The following ANKRD55 variants were observed in gnomAD, a reference collection of about 807,000 sequenced individuals.
The protein encoded by ANKRD55 is ankyrin repeat domain 55.
A neutral mutation model predicts 60.6 loss-of-function variants in ANKRD55; 41 were observed. The ratio of observed to expected loss-of-function variants is 0.68; its 90% CI spans 0.53 to 0.88. ANKRD55 has a LOEUF of 0.88. Ranked by LOEUF, ANKRD55 falls within the 40% of genes least tolerant of loss-of-function variation. ANKRD55 has a pLI of 0.00. For synonymous variants in ANKRD55, 264 were observed against 290.3 expected, an observed-to-expected ratio of 0.91 and a Z score of 0.92; for missense variants, 732 against 767.6, an observed-to-expected ratio of 0.95 and a Z score of 0.55.
chr5:56,205,979 T>TC, intron 2 of ANKRD55, among the ~76,000 whole-genome samples: 1 of 151,150 alleles, frequency 6.6e-6, no homozygotes, highest in East Asian at 1.9e-4. Context: ...TTCTTGTTTT[T>TC]TTTTTTTTTC....
At chr5:56,221,713 T>C (rs160007) in intron 2 of ANKRD55, among the ~76,000 whole-genome samples, 54,490 of 152,156 alleles carry the variant, frequency 0.36, 10,878 homozygotes, top group East Asian at 0.84. Flanking sequence ...GTGCCTAGCT[T>C]GGAGGGTCCC....
intron 5 of ANKRD55, among the ~76,000 whole-genome samples, chr5:56,167,435 CT>C (rs1475263192): frequency 6.6e-6 from 1 of 152,200 alleles, no homozygotes. Context: ...CTGCCATTAA[CT>C]GAAATGTCAT....
At chr5:56,231,653 GCACACACACACACA>G (rs34225686) in intron 2 of ANKRD55, among the ~76,000 whole-genome samples, 6,073 of 147,918 alleles carry the variant, frequency 0.041, 145 homozygotes, top group South Asian at 0.064. Context: ...CTGAAGGCGC[GCACACACACACACA>G]CACACACACA....
intron 7 of ANKRD55, among the ~76,000 whole-genome samples, chr5:56,138,845 A>C (rs1400564446): frequency 6.6e-6 from 1 of 152,222 alleles, no homozygotes; most frequent in East Asian, 1.9e-4. Flanking sequence ...TGGAAAGAAT[A>C]AGGGGAGCTC....
chr5:56,186,493 A>T (rs578120700), intron 2 of ANKRD55, among the ~76,000 whole-genome samples: 82 of 152,232 alleles, frequency 5.4e-4, no homozygotes, highest in African/African-American at 1.9e-3. Flanking sequence ...TAATGATGAT[A>T]ATTAGGATAA....
rs1428483994 is a variant in ANKRD55, at chr5:56,111,131, A to G, written c.1617T>C (p.His539=). 2.4e-5 allele frequency: 39 copies of G among 1,613,422 alleles called. No individual in the cohort carries two copies. In the Admixed American group the frequency reaches 5.7e-4, roughly 23 times the overall value. The change falls in exon 10 of 12, where the codon CAT becomes CAC. Residue 539 remains histidine, a synonymous_variant. Coordinates refer to ENST00000341048, the MANE Select transcript of ANKRD55 (RefSeq NM_024669.3). ...VSVPPHLRHL[H]NPSSGQNFQH... The stretch of plus-strand genomic sequence containing the variant: ...CAAGGACATTACCTGATGATGGATT[A>G]TGTAGATGGCGAAGGTGTGGTGGCA...
chr5:56,179,406 G>T (rs1385274415), intron 3 of ANKRD55, among the ~76,000 whole-genome samples: 1 of 152,172 alleles, frequency 6.6e-6, no homozygotes, highest in Non-Finnish European at 1.5e-5. Flanking sequence ...ATAGCGGTTA[G>T]TTATTTTAGA....
chr5:56,104,666 A>C (rs1024739898), intron 10 of ANKRD55, among the ~76,000 whole-genome samples: 1 of 152,204 alleles, frequency 6.6e-6, no homozygotes, highest in Non-Finnish European at 1.5e-5. Flanking sequence ...ATTAATAATA[A>C]TAATAATGAT....
At chr5:56,189,993 G>A (rs982300738) in intron 2 of ANKRD55, among the ~76,000 whole-genome samples, 1 of 152,036 alleles carries the variant, frequency 6.6e-6, no homozygotes, top group Non-Finnish European at 1.5e-5. Context: ...ATTATTTGTT[G>A]TTTGGGTTTT....
At chr5:56,147,072 G>C (rs564838504) in intron 6 of ANKRD55, among the ~76,000 whole-genome samples, 1 of 152,292 alleles carries the variant, frequency 6.6e-6, no homozygotes, top group African/African-American at 2.4e-5. Context: ...GTGAAGGGGT[G>C]GGGTGGGAGG....
intron 4 of ANKRD55, among the ~76,000 whole-genome samples, chr5:56,174,379 T>A (rs768931209): frequency 6.6e-6 from 1 of 152,210 alleles, no homozygotes; most frequent in Non-Finnish European, 1.5e-5. Context: ...TAGAAACCCC[T>A]TCTATGCCCT....
chr5:56,143,697 C>A, intron 7 of ANKRD55, 104 bp downstream of exon 7: 1 of 1,496,508 alleles, frequency 6.7e-7, no homozygotes, highest in Non-Finnish European at 9.1e-7. Flanking sequence ...GGAGCTGAAT[C>A]AAGAGCTGAA....
At position 56,102,527 on chromosome 5, in the gene ANKRD55, G is replaced by A. The variant is rs201869203; in HGVS notation, c.1690C>T (p.Arg564Trp). ...TCTGGTAGGGGAGCTAGGTTGTTCC[G>A]AGTGAAAGGAAGATCCCTGATTTTG... is the stretch of plus-strand genomic sequence containing the variant. Reference protein sequence around the residue: ...RHKIRDLPFTRNNLAPLPDQK... With the variant: ...RHKIRDLPFTWNNLAPLPDQK... Residue 564 changes from arginine to tryptophan, a missense_variant, in exon 11 of 12, where the codon CGG becomes TGG. Around this residue, in one of 3 missense-constraint regions of ANKRD55, gnomAD observed 597 missense variants for 607.5 expected, o/e 0.98. Transcript: ENST00000341048. The A allele has an allele frequency of 4.3e-6, 7 of 1,613,716 alleles. No homozygotes were observed. Among genetic ancestry groups the A allele is most frequent in the Non-Finnish European group, 5.1e-6 (6 of 1,179,760 alleles).
intron 3 of ANKRD55, among the ~76,000 whole-genome samples, chr5:56,176,832 A>G (rs1263913951): frequency 3.9e-5 from 6 of 152,236 alleles, no homozygotes; most frequent in Non-Finnish European, 7.3e-5. Context: ...CTGAATAAAA[A>G]TAGAGATGAA....
intron 4 of ANKRD55, among the ~76,000 whole-genome samples, chr5:56,175,482 G>T (rs1013479448): frequency 1.3e-5 from 2 of 152,214 alleles, no homozygotes; most frequent in Non-Finnish European, 2.9e-5. Context: ...CAAAAGGATT[G>T]CAGGAAGAGT....
chr5:56,184,864 A>C (rs1294116340), intron 2 of ANKRD55, among the ~76,000 whole-genome samples: 1 of 151,830 alleles, frequency 6.6e-6, no homozygotes, highest in African/African-American at 2.4e-5. Context: ...ACTATACTCC[A>C]GCCTGGACAA....
intron 7 of ANKRD55, among the ~76,000 whole-genome samples, chr5:56,142,376 G>A (rs926499354): frequency 6.6e-6 from 1 of 151,990 alleles, no homozygotes; most frequent in African/African-American, 2.4e-5. Flanking sequence ...AAAACCCAGC[G>A]ATTCCACCCT....
intron 8 of ANKRD55, among the ~76,000 whole-genome samples, chr5:56,118,775 A>G (rs1411001610): frequency 6.6e-6 from 1 of 152,240 alleles, no homozygotes; most frequent in Non-Finnish European, 1.5e-5. Flanking sequence ...AAATAAGCAC[A>G]TGAAGAGGTA....
intron 2 of ANKRD55, among the ~76,000 whole-genome samples, chr5:56,222,536 C>G (rs1759993877): frequency 6.6e-6 from 1 of 152,170 alleles, no homozygotes; most frequent in Non-Finnish European, 1.5e-5. Flanking sequence ...TTCAGAAGAT[C>G]AGTAATAACA....
Sources: gnomAD v4.1 joint callset for allele counts (sites outside exome capture counted in the v4.1 genomes callset) on GRCh38, gnomAD v4.1.1 for gene constraint, gnomAD v4.1.1 regional missense constraint, MANE v1.5 for transcripts, NCBI Gene and HGNC (gene_info 2026-07-23, HGNC 2026-07-21) for gene names.